Variants in ST7L observed in about 807,000 individuals in gnomAD.
The protein encoded by ST7L is suppression of tumorigenicity 7 like, also known as suppressor of tumorigenicity 7 protein-like.
In ST7L, 57 loss-of-function variants were observed where a neutral mutation model predicts 72.5. The observed-to-expected ratio is 0.79, with a 90% CI of 0.64 to 0.98. The LOEUF is 0.98. ST7L is among the 50% of genes least tolerant of loss of function. The probability of loss-of-function intolerance (pLI) is 0.00; values close to 1 mark genes in which losing one functional copy is unlikely to be tolerated. For missense variants in ST7L, 576 were observed against 672.2 expected (o/e 0.86, Z 1.58); for synonymous variants, 221 against 240.9 (o/e 0.92, Z 0.77).
chr1:112,573,212 G>C (rs1197013425), intron 11 of ST7L, among the ~76,000 whole-genome samples: 3 of 151,924 alleles, frequency 2.0e-5, no homozygotes, highest in Non-Finnish European at 4.4e-5. Flanking sequence ...GCTGGGTATG[G>C]TGGCGCATGC....
At chr1:112,530,560 G>A (rs1234441014) in intron 14 of ST7L, among the ~76,000 whole-genome samples, 6 of 151,912 alleles carry the variant, frequency 3.9e-5, no homozygotes, top group Non-Finnish European at 5.9e-5. Context: ...GATTACAGGC[G>A]CCTGCCACCA....
At chr1:112,523,302 A>C (rs1652982740), downstream of ST7L, 1 of 143,576 alleles carries the variant, frequency 7.0e-6, no homozygotes, top group Non-Finnish European at 1.5e-5. Context: ...AATGGTTAAG[A>C]AAAGAGCAAG....
chr1:112,561,205 G>A (rs1167917433), intron 11 of ST7L, among the ~76,000 whole-genome samples: 1 of 150,322 alleles, frequency 6.7e-6, no homozygotes, highest in East Asian at 2.0e-4. Context: ...TAAAGTATAT[G>A]CTCAGTGTAC....
chr1:112,588,147 G>T (rs1430176722), intron 6 of ST7L, among the ~76,000 whole-genome samples: 1 of 152,036 alleles, frequency 6.6e-6, no homozygotes, highest in Non-Finnish European at 1.5e-5. Flanking sequence ...TGTTGATTTT[G>T]TTTCTCACAA....
intron 6 of ST7L, among the ~76,000 whole-genome samples, chr1:112,589,192 A>G (rs1015390679): frequency 2.6e-5 from 4 of 152,150 alleles, no homozygotes; most frequent in Non-Finnish European, 4.4e-5. Flanking sequence ...CAGTTGATTT[A>G]AACTTTGTGT....
chr1:112,571,206 T>C, intron 11 of ST7L: 1 of 413,242 alleles, frequency 2.4e-6, no homozygotes, highest in Non-Finnish European at 4.7e-6. Context: ...TAATAATTAT[T>C]GTGTTTCATA....
intron 14 of ST7L, chr1:112,539,804 CTTTTAGGG>C: frequency 1.0e-6 from 1 of 985,242 alleles, no homozygotes. Flanking sequence ...AAATACTTAG[CTTTTAGGG>C]TTTTAAAATG....
At chr1:112,577,146 G>A in intron 10 of ST7L, 58 bp from the exon 11 acceptor site, 1 of 1,193,388 alleles carries the variant, frequency 8.4e-7, no homozygotes, top group South Asian at 1.5e-5. Context: ...AAAAAAGTAT[G>A]AATTTAGATA....
At chr1:112,556,985 C>CAAAAAA (rs1196828305) in intron 11 of ST7L, among the ~76,000 whole-genome samples, 3 of 82,112 alleles carry the variant, frequency 3.7e-5, no homozygotes, top group Non-Finnish European at 4.6e-5. Context: ...AAAAAAAAAA[C>CAAAAAA]AAAAAAAAAA....
At chr1:112,544,449 T>TA (rs1356355677) in intron 13 of ST7L, among the ~76,000 whole-genome samples, 18 of 152,244 alleles carry the variant, frequency 1.2e-4, no homozygotes, top group Admixed American at 1.2e-3. Context: ...ATGGAAGTTT[T>TA]AAAAGTTAGA....
At chr1:112,606,717 A>C (rs1320807668) in intron 3 of ST7L, among the ~76,000 whole-genome samples, 1 of 152,186 alleles carries the variant, frequency 6.6e-6, no homozygotes, top group Non-Finnish European at 1.5e-5. Context: ...CACAATCTGA[A>C]GGTTGGAAGT....
chr1:112,575,167 A>G (rs1252743327), intron 11 of ST7L, among the ~76,000 whole-genome samples: 5 of 152,182 alleles, frequency 3.3e-5, no homozygotes, highest in Non-Finnish European at 7.3e-5. Flanking sequence ...TGAACTCTGG[A>G]GGCGGAGGTT....
intron 11 of ST7L, among the ~76,000 whole-genome samples, chr1:112,556,755 G>A (rs751758212): frequency 2.0e-5 from 3 of 151,808 alleles, no homozygotes; most frequent in African/African-American, 4.8e-5. Flanking sequence ...AAATCGTGAG[G>A]TCAGGAAATC....
chr1:112,566,930 C>A (rs1466137146), intron 11 of ST7L, among the ~76,000 whole-genome samples: 1 of 152,172 alleles, frequency 6.6e-6, no homozygotes, highest in African/African-American at 2.4e-5. Flanking sequence ...TCATGTTCAA[C>A]TCTTCTTGTG....
At chr1:112,548,905 G>C (rs896810285) in intron 13 of ST7L, among the ~76,000 whole-genome samples, 1 of 152,038 alleles carries the variant, frequency 6.6e-6, no homozygotes, top group African/African-American at 2.4e-5. Flanking sequence ...TCTCCTTCTA[G>C]TTCTTTGACT....
At chr1:112,616,748 A>G in intron 2 of ST7L, 65 bp downstream of exon 2, 2 of 1,266,272 alleles carry the variant, frequency 1.6e-6, no homozygotes, top group Non-Finnish European at 1.1e-6. Context: ...GTCTCAAAAA[A>G]GAAAAAAAAA....
chr1:112,618,885 C>G, intron 1 of ST7L, 24 bp downstream of exon 1: 3 of 1,551,264 alleles, frequency 1.9e-6, no homozygotes, highest in Non-Finnish European at 2.6e-6. Context: ...CCCCGCCCTG[C>G]CCCAGGAGGT....
At chr1:112,594,787 C>A (rs1666195025) in intron 5 of ST7L, among the ~76,000 whole-genome samples, 1 of 151,980 alleles carries the variant, frequency 6.6e-6, no homozygotes, top group African/African-American at 2.4e-5. Context: ...GAGAACTCAC[C>A]CAGTCAATTA....
rs756106228 is a variant in ST7L, at chr1:112,619,114, C to G, written c.-1G>C. 9 of 1,613,260 alleles carry G rather than the reference C, an allele frequency of 5.6e-6. No homozygotes were observed. Among genetic ancestry groups the G allele is most frequent in the Non-Finnish European group, 7.6e-6 (9 of 1,179,770 alleles). On this transcript the variant is annotated 5_prime_UTR_variant, in exon 1 of 15. Coordinates refer to ENST00000358039, the MANE Select transcript of ST7L (RefSeq NM_017744.5). ...CACCCACGCCGCCACGGTCCGCCATCTTGCCGCTATCGCAGGCGCCAGGAG... is the reference window on the plus strand; with the variant it reads ...CACCCACGCCGCCACGGTCCGCCATGTTGCCGCTATCGCAGGCGCCAGGAG...
Sources: allele counts gnomAD v4.1 joint callset (sites outside exome capture counted in the v4.1 genomes callset), GRCh38; gene constraint gnomAD v4.1.1; transcripts MANE v1.5; gene names NCBI Gene and HGNC (gene_info 2026-07-23, HGNC 2026-07-21).